The following DCDC2 variants were observed in gnomAD, a reference collection of about 807,000 sequenced individuals.
DCDC2 encodes the protein doublecortin domain containing 2.
In DCDC2, 40 loss-of-function variants were observed where a neutral mutation model predicts 50.2. The observed-to-expected ratio is 0.80, with a 90% confidence interval of 0.62 to 1.04. The LOEUF is 1.04. Among genes scored for constraint, DCDC2 ranks in the 50% least tolerant of loss-of-function variants. The pLI is 0.00. For synonymous variants in DCDC2, 234 were observed against 210.6 expected, an observed-to-expected ratio of 1.11 and a Z score of -0.96; for missense variants, 570 against 581.9, an observed-to-expected ratio of 0.98 and a Z score of 0.21.
upstream of DCDC2, among the ~76,000 whole-genome samples, chr6:24,359,355 A>ATATATATATTATATATTATATATATTT (rs1561789478): frequency 1.5e-4 from 5 of 33,500 alleles, no homozygotes; most frequent in African/African-American, 8.4e-4. Flanking sequence ...TATATATTTT[A>ATATATATATTATATATTATATATATTT]TGTATATTAT....
At chr6:24,211,509 G>A (rs1447626869) in intron 7 of DCDC2, among the ~76,000 whole-genome samples, 3 of 152,182 alleles carry the variant, frequency 2.0e-5, no homozygotes, top group Non-Finnish European at 4.4e-5. Flanking sequence ...AATTAAGGTT[G>A]CTAAGCAGCT....
At chr6:24,262,079 T>C (rs1037506188) in intron 7 of DCDC2, among the ~76,000 whole-genome samples, 3 of 151,882 alleles carry the variant, frequency 2.0e-5, no homozygotes, top group African/African-American at 7.3e-5. Flanking sequence ...AGAAAGGCAC[T>C]GAAGATGGTA....
chr6:24,208,363 C>CTTT (rs34475687), intron 7 of DCDC2, among the ~76,000 whole-genome samples: 903 of 84,452 alleles, frequency 0.011, 16 homozygotes, highest in East Asian at 0.015. Flanking sequence ...CTCTGTGCTA[C>CTTT]TTTTTTTTTT....
intron 4 of DCDC2, among the ~76,000 whole-genome samples, chr6:24,291,341 T>C (rs1056266283): frequency 1.4e-4 from 22 of 152,210 alleles, no homozygotes; most frequent in African/African-American, 5.1e-4. Context: ...GTGAGTCTGA[T>C]GATCTGGCAT....
chr6:24,375,848 T>G, the DCDC2 span, among the ~76,000 whole-genome samples: 2 of 87,794 alleles, frequency 2.3e-5, no homozygotes, highest in East Asian at 6.1e-4. Flanking sequence ...AAAGGGAGAG[T>G]AAGAGGAAGA....
At chr6:24,365,319 G>T in the DCDC2 span, among the ~76,000 whole-genome samples, 1 of 152,198 alleles carries the variant, frequency 6.6e-6, no homozygotes, top group African/African-American at 2.4e-5. Flanking sequence ...TTGGAACAGA[G>T]ATTTGCTCGT....
intron 2 of DCDC2, among the ~76,000 whole-genome samples, chr6:24,302,858 C>A (rs1759407028): frequency 1.3e-5 from 2 of 152,000 alleles, no homozygotes; most frequent in Admixed American, 1.3e-4. Flanking sequence ...CCTCACCCCT[C>A]ACCTAACCCT....
At chr6:24,343,510 C>T (rs951208049) in intron 2 of DCDC2, among the ~76,000 whole-genome samples, 14 of 152,310 alleles carry the variant, frequency 9.2e-5, no homozygotes, top group African/African-American at 3.4e-4. Context: ...ACGAGTTCCT[C>T]TGATTTCACC....
rs148029760 is a variant in DCDC2 at position 24,357,706 on chromosome 6, G to T, written c.45C>A (p.Val15=). The T allele has an allele frequency of 2.2e-5, 35 of 1,612,658 alleles. No individual in the cohort carries two copies. Among genetic ancestry groups the T allele is most frequent in the Non-Finnish European group, 2.9e-5 (34 of 1,179,540 alleles). The change falls in exon 1 of 10, where the codon GTC becomes GTA. Residue 15 remains valine (V), a synonymous_variant. Transcript: ENST00000378454. The part of the protein sequence containing the change: ...SARSSHLSQP[V]VKSVLVYRNG... ...TGCGGTACACAAGCACGCTCTTCAC[G>T]ACGGGCTGAGACAGGTGGCTGGACC...
chr6:24,296,313 C>T lies in DCDC2; in HGVS notation c.558-5235G>A, dbSNP rs147794571. The stretch of plus-strand genomic sequence containing the variant: ...AATTGAACTCCTTCCTTATACCATA[C>T]ACAAAAATCAACTCAAAATGGATTA... On this transcript the variant is annotated intron_variant, in intron 4 of 9. Coordinates refer to ENST00000378454, the MANE Select transcript of DCDC2 (RefSeq NM_016356.5). 8.7e-3 allele frequency among the ~76,000 whole-genome samples: 1,323 copies of T among 152,166 alleles called. 9 individuals carry two copies. Among genetic ancestry groups the T allele is most frequent in the African/African-American group, 0.016 (673 of 41,530 alleles).
At chr6:24,239,796 G>C (rs1034804013) in intron 7 of DCDC2, among the ~76,000 whole-genome samples, 1 of 152,306 alleles carries the variant, frequency 6.6e-6, no homozygotes, top group Middle Eastern at 3.4e-3. Flanking sequence ...AATGCAAAAA[G>C]AATTTTGTGG....
At position 24,172,636 on chromosome 6, in the gene DCDC2, T is replaced by C. The variant is rs989326733; in HGVS notation, c.*2094A>G. The C allele has an allele frequency of 4.0e-5, 6 of 149,652 alleles. No individual in the cohort carries two copies. The highest frequency in any genetic ancestry group is 8.8e-5 in the Non-Finnish European group (6 of 68,020). The allele number at this position is 149,652 out of a possible 1,614,324, so 9.3% of individuals were successfully genotyped here. ...ATAATTTCTTACATTTAATCAGTTA[T>C]TTTTAGAAACTATTTGAAATCATTA... On this transcript the variant is annotated 3_prime_UTR_variant, in exon 10 of 10. Transcript: ENST00000378454.
At chr6:24,380,794 T>C in the DCDC2 span, among the ~76,000 whole-genome samples, 1 of 152,194 alleles carries the variant, frequency 6.6e-6, no homozygotes, top group African/African-American at 2.4e-5. Context: ...AAGGTATAAT[T>C]GACAAATAAA....
At chr6:24,330,619 A>G (rs1194614198) in intron 2 of DCDC2, among the ~76,000 whole-genome samples, 1 of 152,204 alleles carries the variant, frequency 6.6e-6, no homozygotes, top group African/African-American at 2.4e-5. Context: ...TTTGCCATTC[A>G]ATACTCTTTC....
chr6:24,234,894 C>A lies in DCDC2; in HGVS notation c.923-29792G>T, dbSNP rs1762410888. On this transcript the variant is annotated intron_variant, in intron 7 of 9. Coordinates refer to ENST00000378454, the MANE Select transcript of DCDC2 (RefSeq NM_016356.5). ...ATAATTAGATACCACATAGATAGCA[C>A]ACTTGCCAAACACCCAGATTATGGG... Among the ~76,000 whole-genome samples the A allele has an allele frequency of 2.0e-5, 3 of 152,240 alleles. No homozygotes were observed. The South Asian group carries it at 6.2e-4, about 32-fold the overall frequency.
chr6:24,382,247 T>A, the DCDC2 span, among the ~76,000 whole-genome samples: 1 of 152,220 alleles, frequency 6.6e-6, no homozygotes, highest in East Asian at 1.9e-4. Context: ...TCTGCTTGAC[T>A]CTACAGACTC....
At chr6:24,347,084 C>T (rs1296354934) in intron 2 of DCDC2, among the ~76,000 whole-genome samples, 1 of 152,172 alleles carries the variant, frequency 6.6e-6, no homozygotes, top group Non-Finnish European at 1.5e-5. Context: ...GTGTTTATAA[C>T]TTTAGGAAAA....
intron 7 of DCDC2, among the ~76,000 whole-genome samples, chr6:24,209,623 C>T (rs1761811996): frequency 6.6e-6 from 1 of 152,158 alleles, no homozygotes; most frequent in Non-Finnish European, 1.5e-5. Context: ...TCTGAGTCCC[C>T]TTTTACTGAG....
At chr6:24,362,925 C>T (rs1581674650), upstream of DCDC2, among the ~76,000 whole-genome samples, 1 of 152,174 alleles carries the variant, frequency 6.6e-6, no homozygotes, top group Non-Finnish European at 1.5e-5. Flanking sequence ...GAGCTCTTCT[C>T]TCTTGTGCAA....
Sources: allele counts gnomAD v4.1 joint callset (sites outside exome capture counted in the v4.1 genomes callset), GRCh38; gene constraint gnomAD v4.1.1; transcripts MANE v1.5; gene names NCBI Gene and HGNC (gene_info 2026-07-23, HGNC 2026-07-21).